The following RBFOX1 variants were observed in gnomAD, a reference collection of about 807,000 sequenced individuals.
RBFOX1 encodes RNA binding fox-1 homolog 1.
RBFOX1 carries 8 observed loss-of-function variants against 57.7 expected under a neutral mutation model. That is an observed-to-expected ratio of 0.14 (90% CI 0.08 to 0.25). The LOEUF (loss-of-function observed/expected upper bound fraction) is 0.25. Ranked by LOEUF, RBFOX1 falls within the 10% of genes least tolerant of loss-of-function variation. The pLI, the probability that RBFOX1 is intolerant of heterozygous loss-of-function variation, is 1.00. For missense variants in RBFOX1, 611 were observed against 548.5 expected, an observed-to-expected ratio of 1.11 and a Z score of -1.14; for synonymous variants, 326 against 222.4, an observed-to-expected ratio of 1.47 and a Z score of -4.15.
intron 3 of RBFOX1, among the ~76,000 whole-genome samples, chr16:5,773,650 G>A (rs1049080782): frequency 6.6e-6 from 1 of 152,320 alleles, no homozygotes; most frequent in South Asian, 2.1e-4. Context: ...ACGTGCATGG[G>A]ATTATTTCTG....
intron 3 of RBFOX1, among the ~76,000 whole-genome samples, chr16:6,884,688 A>C (rs142392594): frequency 0.013 from 1,967 of 152,262 alleles, 46 homozygotes; most frequent in African/African-American, 0.044. Flanking sequence ...ACTTGAGGCC[A>C]GGGGTTCCAG....
rs2059599305 is a variant in RBFOX1, at chr16:5,955,118, T to TTAAAAAAAAA, written c.351+87783_351+87784insTAAAAAAAAA. Reference sequence around the variant, plus strand: ...CAACAGGGTGAAACTCCATCTCTACTAAAAAAAAAAAAAAAAAAAAAAAAA... The same window carrying TTAAAAAAAAA: ...CAACAGGGTGAAACTCCATCTCTACTTAAAAAAAAAAAAAAAAAAAAAAAAAAAAAAAAAA... On this transcript the variant is annotated intron_variant, in intron 4 of 19. Transcript: ENST00000641259. 8.4e-4 allele frequency among the ~76,000 whole-genome samples: 12 copies of TTAAAAAAAAA among 14,290 alleles called. 2 individuals are homozygous for TTAAAAAAAAA. Among genetic ancestry groups the TTAAAAAAAAA allele is most frequent in the African/African-American group, 4.3e-3 (12 of 2,796 alleles). The allele number at this position is 14,290 out of a possible 152,430, so 9.4% of individuals were successfully genotyped here.
At chr16:6,626,493 C>G (rs1309226981) in intron 2 of RBFOX1, among the ~76,000 whole-genome samples, 1 of 152,188 alleles carries the variant, frequency 6.6e-6, no homozygotes, top group Non-Finnish European at 1.5e-5. Context: ...GGCATGGTGG[C>G]TTATGCCTGT....
At chr16:5,250,734 T>C (rs2062430092) in intron 1 of RBFOX1, among the ~76,000 whole-genome samples, 1 of 152,238 alleles carries the variant, frequency 6.6e-6, no homozygotes, top group Non-Finnish European at 1.5e-5. Flanking sequence ...GCAGGTATTC[T>C]GACGTGTGGA....
At chr16:5,894,374 C>T (rs952500726) in intron 4 of RBFOX1, among the ~76,000 whole-genome samples, 1 of 152,186 alleles carries the variant, frequency 6.6e-6, no homozygotes, top group African/African-American at 2.4e-5. Flanking sequence ...CCTCCACCTC[C>T]TGGGTTCCAG....
intron 1 of RBFOX1, among the ~76,000 whole-genome samples, chr16:6,120,056 A>T (rs185398798): frequency 6.6e-6 from 1 of 152,288 alleles, no homozygotes; most frequent in East Asian, 1.9e-4. Context: ...GTTTGTGTCC[A>T]ACTTCTTACA....
At chr16:7,401,739 A>T (rs1308040168) in intron 4 of RBFOX1, among the ~76,000 whole-genome samples, 1 of 152,208 alleles carries the variant, frequency 6.6e-6, no homozygotes, top group Non-Finnish European at 1.5e-5. Flanking sequence ...ATGTATTTGA[A>T]AATATTATGG....
chr16:5,578,590 C>A (rs1457041916), intron 2 of RBFOX1, among the ~76,000 whole-genome samples: 1 of 152,190 alleles, frequency 6.6e-6, no homozygotes, highest in East Asian at 1.9e-4. Flanking sequence ...CACACAGTGA[C>A]TCCTGGCATG....
intron 3 of RBFOX1, among the ~76,000 whole-genome samples, chr16:6,823,226 G>C (rs559156775): frequency 6.6e-6 from 1 of 151,562 alleles, no homozygotes; most frequent in Non-Finnish European, 1.5e-5. Context: ...TGACCTCTTG[G>C]CCCATCTGAA....
At chr16:6,848,669 C>A (rs929519180) in intron 3 of RBFOX1, among the ~76,000 whole-genome samples, 2 of 151,942 alleles carry the variant, frequency 1.3e-5, no homozygotes, top group African/African-American at 2.4e-5. Context: ...AAAAAAGCAA[C>A]CTAGGTAGAT....
intron 4 of RBFOX1, among the ~76,000 whole-genome samples, chr16:5,893,394 G>A (rs900343546): frequency 4.6e-5 from 7 of 152,216 alleles, no homozygotes; most frequent in East Asian, 1.9e-4. Flanking sequence ...ATAGTTGTAC[G>A]TTTCAAAATA....
intron 4 of RBFOX1, among the ~76,000 whole-genome samples, chr16:5,938,473 ACTCAGT>A (rs1344443741): frequency 6.6e-6 from 1 of 152,142 alleles, no homozygotes; most frequent in Non-Finnish European, 1.5e-5. Context: ...TTTAAAATAA[ACTCAGT>A]CTCCGTGGCA....
intron 1 of RBFOX1, among the ~76,000 whole-genome samples, chr16:5,382,805 T>G (rs1286092883): frequency 6.6e-6 from 1 of 152,252 alleles, no homozygotes; most frequent in Non-Finnish European, 1.5e-5. Flanking sequence ...AATATGCCAC[T>G]GTGGTTTATC....
intron 5 of RBFOX1, among the ~76,000 whole-genome samples, chr16:7,568,691 C>T (rs983810605): frequency 6.6e-6 from 1 of 151,732 alleles, no homozygotes; most frequent in Non-Finnish European, 1.5e-5. Flanking sequence ...CGAGACCATC[C>T]TGGCTAACAT....
At chr16:6,911,286 A>G (rs928871090) in intron 3 of RBFOX1, among the ~76,000 whole-genome samples, 5 of 151,928 alleles carry the variant, frequency 3.3e-5, no homozygotes, top group African/African-American at 9.7e-5. Flanking sequence ...AAGTTCCACA[A>G]ACTAGGAGGC....
intron 1 of RBFOX1, among the ~76,000 whole-genome samples, chr16:5,289,920 C>G (rs1326595636): frequency 1.3e-5 from 2 of 152,222 alleles, no homozygotes; most frequent in Admixed American, 1.3e-4. Context: ...AAGCTGCACA[C>G]AAATGCTCAT....
chr16:7,298,480 G>C (rs77206755), intron 4 of RBFOX1, among the ~76,000 whole-genome samples: 3,509 of 151,920 alleles, frequency 0.023, 97 homozygotes, highest in East Asian at 0.12. Flanking sequence ...TTGGTTGAGA[G>C]AGGGTTTCAC....
intron 5 of RBFOX1, among the ~76,000 whole-genome samples, chr16:7,573,840 A>G (rs1409588579): frequency 6.6e-6 from 1 of 151,918 alleles, no homozygotes. Flanking sequence ...GTCTCAAAAA[A>G]AAAAAGAGGT....
chr16:6,500,570 C>T (rs1038753309), intron 2 of RBFOX1, among the ~76,000 whole-genome samples: 7 of 151,992 alleles, frequency 4.6e-5, no homozygotes, highest in African/African-American at 1.7e-4. Context: ...CAATAGAGTC[C>T]CTTCCCTCAA....
Sources: gnomAD v4.1 joint callset for allele counts (sites outside exome capture counted in the v4.1 genomes callset) on GRCh38, gnomAD v4.1.1 for gene constraint, MANE v1.5 for transcripts, NCBI Gene and HGNC (gene_info 2026-07-23, HGNC 2026-07-21) for gene names.